Variants in MAML2 observed in about 807,000 individuals in gnomAD.
The protein encoded by MAML2 is mastermind-like protein 2.
In MAML2, 22 loss-of-function variants were observed where a neutral mutation model predicts 96.1. The ratio of observed to expected loss-of-function variants is 0.23; its 90% CI spans 0.16 to 0.33. MAML2 has a LOEUF of 0.33. MAML2 is among the 10% of genes least tolerant of loss of function. The pLI, the probability that MAML2 is intolerant of heterozygous loss-of-function variation, is 1.00. For synonymous variants in MAML2, 561 were observed against 521.3 expected (o/e 1.08, Z -1.04); for missense variants, 1,367 against 1,392.4 (o/e 0.98, Z 0.29).
At chr11:96,283,320 G>A (rs1370105843) in intron 1 of MAML2, among the ~76,000 whole-genome samples, 1 of 152,066 alleles carries the variant, frequency 6.6e-6, no homozygotes. Context: ...AATTAAGTAA[G>A]GGCACTCACT....
At chr11:96,226,181 A>G (rs558833484) in intron 1 of MAML2, among the ~76,000 whole-genome samples, 62 of 152,330 alleles carry the variant, frequency 4.1e-4, no homozygotes, top group Non-Finnish European at 8.2e-4. Flanking sequence ...TTTATTGCCT[A>G]AAAAGTTATT....
At chr11:96,267,998 A>G (rs775663115) in intron 1 of MAML2, among the ~76,000 whole-genome samples, 1 of 152,224 alleles carries the variant, frequency 6.6e-6, no homozygotes, top group Non-Finnish European at 1.5e-5. Context: ...TGATTTCATC[A>G]TGACTCTGGA....
chr11:96,325,829 A>G (rs766666547), intron 1 of MAML2, among the ~76,000 whole-genome samples: 1 of 152,218 alleles, frequency 6.6e-6, no homozygotes, highest in Non-Finnish European at 1.5e-5. Context: ...TGGCCAAAGT[A>G]GCACACAGCC....
At chr11:96,018,881 G>A (rs578241803) in intron 2 of MAML2, among the ~76,000 whole-genome samples, 8 of 152,286 alleles carry the variant, frequency 5.3e-5, no homozygotes, top group African/African-American at 1.2e-4. Context: ...GAGCCACGGC[G>A]CCTGGCTGAG....
intron 1 of MAML2, among the ~76,000 whole-genome samples, chr11:96,333,899 A>G (rs748266075): frequency 9.2e-5 from 14 of 152,216 alleles, no homozygotes; most frequent in South Asian, 2.1e-4. Context: ...TAGATGGTTT[A>G]AATTTCTCAT....
Position 96,298,454 on chromosome 11 carries a change from T to A in MAML2, c.513+42929A>T, listed in dbSNP as rs376823921. Among the ~76,000 whole-genome samples, 3 of 152,188 alleles carry A rather than the reference T, an allele frequency of 2.0e-5. No individual in the cohort carries two copies. The East Asian group carries it at 5.8e-4, about 29-fold the overall frequency. ...AGAAGAACATCCTTTCCTCTGAGACTCAGGAAATGTAAACATAGGTGTAGG... is the reference window on the plus strand; with the variant it reads ...AGAAGAACATCCTTTCCTCTGAGACACAGGAAATGTAAACATAGGTGTAGG... On this transcript the variant is annotated intron_variant, in intron 1 of 4. Transcript: ENST00000524717.
chr11:95,991,117 T>C (rs1006089350), intron 3 of MAML2, among the ~76,000 whole-genome samples: 3 of 152,172 alleles, frequency 2.0e-5, no homozygotes, highest in African/African-American at 7.2e-5. Flanking sequence ...TGAGGCTCCA[T>C]GTTGGCTTTT....
At chr11:96,160,775 A>T (rs1861090741) in intron 1 of MAML2, among the ~76,000 whole-genome samples, 1 of 152,124 alleles carries the variant, frequency 6.6e-6, no homozygotes, top group African/African-American at 2.4e-5. Context: ...CAATTTAAAG[A>T]TTCGTTTTGA....
chr11:96,149,805 T>C (rs1357295268), intron 1 of MAML2, among the ~76,000 whole-genome samples: 1 of 152,178 alleles, frequency 6.6e-6, no homozygotes, highest in Non-Finnish European at 1.5e-5. Flanking sequence ...TCCTTCTCTT[T>C]GTCTCCTTCT....
At chr11:95,980,367 G>A (rs1313450404) in intron 4 of MAML2, among the ~76,000 whole-genome samples, 1 of 152,048 alleles carries the variant, frequency 6.6e-6, no homozygotes, top group African/African-American at 2.4e-5. Flanking sequence ...AGGTCCAAAT[G>A]AGAAAGTGTG....
intron 1 of MAML2, among the ~76,000 whole-genome samples, chr11:96,262,899 C>T (rs140476499): frequency 0.014 from 2,105 of 152,304 alleles, 24 homozygotes; most frequent in Non-Finnish European, 0.021. Context: ...ATCCTATCAT[C>T]CATTAATAAA....
intron 1 of MAML2, among the ~76,000 whole-genome samples, chr11:96,301,471 A>G (rs1367920263): frequency 6.6e-6 from 1 of 152,144 alleles, no homozygotes; most frequent in Non-Finnish European, 1.5e-5. Flanking sequence ...GGCCAGGCCA[A>G]TGGTTAGATT....
chr11:96,180,743 T>TGC, intron 1 of MAML2, among the ~76,000 whole-genome samples: 1 of 152,290 alleles, frequency 6.6e-6, no homozygotes, highest in Admixed American at 6.5e-5. Flanking sequence ...GGTACCTTCA[T>TGC]GTGTGTCCGT....
At position 95,979,688 on chromosome 11, in the gene MAML2, G is replaced by A. The variant is rs1857705566; in HGVS notation, c.2731C>T (p.Pro911Ser). The change falls in exon 5 of 5, where the codon CCA (proline) becomes TCA (serine). Residue 911 changes from proline to serine, a missense_variant. Transcript: ENST00000524717. ...TTATTACTTGGCCCTAAGGTAGGTG[G>A]CCGTGGCATCATAGGGTTGTTTTGA... Reference protein sequence around the residue: ...ANQNNPMMPRPPTLGPSNNNN... With the variant: ...ANQNNPMMPRSPTLGPSNNNN... The A allele has an allele frequency of 6.2e-7, 1 of 1,613,946 alleles. No homozygotes were observed.
chr11:96,026,255 G>A lies in MAML2; in HGVS notation c.2140-34532C>T, dbSNP rs78651321. 8.3e-3 allele frequency among the ~76,000 whole-genome samples: 1,260 copies of A among 152,350 alleles called. 19 individuals are homozygous for A. Among genetic ancestry groups the A allele is most frequent in the South Asian group, 0.045 (219 of 4,826 alleles). On this transcript the variant is annotated intron_variant, in intron 2 of 4. Transcript: ENST00000524717. ...TCACACTTTGGCCAGCAGTATACCT[G>A]CAGCCCTGCGGCTAAAGTTTGCTGA...
intron 1 of MAML2, among the ~76,000 whole-genome samples, chr11:96,235,936 C>T (rs1862361916): frequency 6.6e-6 from 1 of 152,160 alleles, no homozygotes; most frequent in African/African-American, 2.4e-5. Flanking sequence ...CACATCTGCC[C>T]ACTGCACCCC....
At chr11:96,103,076 A>T (rs897414542) in intron 1 of MAML2, among the ~76,000 whole-genome samples, 1 of 152,150 alleles carries the variant, frequency 6.6e-6, no homozygotes, top group African/African-American at 2.4e-5. Context: ...GGCATACCTC[A>T]AGGTCCATCC....
At chr11:96,070,373 T>G (rs981679298) in intron 2 of MAML2, among the ~76,000 whole-genome samples, 7 of 152,186 alleles carry the variant, frequency 4.6e-5, no homozygotes, top group African/African-American at 9.6e-5. Flanking sequence ...ACATTGCAGG[T>G]GAAGAGAAGG....
At chr11:96,063,994 A>T (rs1859207746) in intron 2 of MAML2, among the ~76,000 whole-genome samples, 1 of 152,244 alleles carries the variant, frequency 6.6e-6, no homozygotes, top group South Asian at 2.1e-4. Flanking sequence ...AAGAATGGCC[A>T]GGACATCTTT....
Sources: gnomAD v4.1 joint callset for allele counts (sites outside exome capture counted in the v4.1 genomes callset) on GRCh38, gnomAD v4.1.1 for gene constraint, MANE v1.5 for transcripts, NCBI Gene and HGNC (gene_info 2026-07-23, HGNC 2026-07-21) for gene names.